RUBCN: variants seen among roughly 807,000 people sequenced by gnomAD.
RUBCN encodes the protein rubicon autophagy regulator.
In RUBCN, 74 loss-of-function variants were observed where a neutral mutation model predicts 113.2. The observed-to-expected ratio is 0.65, with a 90% CI of 0.54 to 0.79. RUBCN has a LOEUF of 0.79. Among genes scored for constraint, RUBCN ranks in the 30% least tolerant of loss-of-function variants. RUBCN has a pLI of 0.00. For synonymous variants in RUBCN, 480 were observed against 490.0 expected, an observed-to-expected ratio of 0.98 and a Z score of 0.27; for missense variants, 1,109 against 1,251.7, an observed-to-expected ratio of 0.89 and a Z score of 1.72.
chr3:197,694,251 T>C, intron 10 of RUBCN, 124 bp downstream of exon 10: 1 of 858,152 alleles, frequency 1.2e-6, no homozygotes. Flanking sequence ...ATTCCTAGCA[T>C]GATAGAAAAA....
In RUBCN at chr3:197,675,305, T is replaced by G. The variant is rs1207772282; in HGVS notation, c.2741-109A>C. The stretch of plus-strand genomic sequence containing the variant: ...CTCGCCACCAAGGCGTGGTGTCCCC[T>G]GGGGAGGCCCCGCGAGGTGCTGAGT... On this transcript the variant is annotated intron_variant, in intron 19 of 19. Transcript: ENST00000296343. This position sits in a 1 kb window ranked among gnomAD's most constrained non-coding sequence, Gnocchi z 4.4. 6.6e-7 allele frequency: 1 copy of G among 1,522,574 alleles called. No individual in the cohort carries two copies. Among genetic ancestry groups the G allele is most frequent in the Admixed American group, 1.7e-5 (1 of 59,920 alleles). The allele number at this position is 1,522,574 out of a possible 1,614,324, so 94.3% of individuals were successfully genotyped here. A position where few individuals can be genotyped will look rare whatever the true frequency, so the allele number is the denominator to read the frequency against.
chr3:197,749,221 T>C (rs953492594), intron 1 of RUBCN: 1 of 993,950 alleles, frequency 1.0e-6, no homozygotes, highest in Non-Finnish European at 1.2e-6. Flanking sequence ...CCATTCCCAA[T>C]GCAAATGAAT....
At chr3:197,696,517 ATACAG>A (rs1387744833) in intron 8 of RUBCN, among the ~76,000 whole-genome samples, 1 of 152,222 alleles carries the variant, frequency 6.6e-6, no homozygotes, top group Non-Finnish European at 1.5e-5. Context: ...CCCTCGTACC[ATACAG>A]TAAAGAAAAA....
At chr3:197,736,608 C>T in intron 1 of RUBCN, 47 bp downstream of exon 1, 1 of 1,528,338 alleles carries the variant, frequency 6.5e-7, no homozygotes. Flanking sequence ...CCTCCCGGGG[C>T]TCCGGCGCCT....
At chr3:197,738,609 G>A (rs1003028875), upstream of RUBCN, among the ~76,000 whole-genome samples, 1 of 152,102 alleles carries the variant, frequency 6.6e-6, no homozygotes, top group Admixed American at 6.5e-5. Context: ...TTTTGGAGAC[G>A]CAGTCTTGCT....
chr3:197,713,290 T>C (rs748407197), intron 2 of RUBCN, among the ~76,000 whole-genome samples: 1 of 152,252 alleles, frequency 6.6e-6, no homozygotes, highest in Non-Finnish European at 1.5e-5. Flanking sequence ...GAAACTGTCT[T>C]GTAATATGGT....
intron 17 of RUBCN, 80 bp downstream of exon 17, chr3:197,677,400 T>C (rs1307604845): frequency 4.9e-6 from 6 of 1,228,910 alleles, no homozygotes; most frequent in African/African-American, 1.5e-5. Flanking sequence ...CTTCGTTACA[T>C]AACAAGAGCC....
At chr3:197,749,619 G>A (rs1192101535) in exon 1 of RUBCN, 6 of 1,049,410 alleles carry the variant, frequency 5.7e-6, no homozygotes, top group South Asian at 5.3e-5. Context: ...AGGACACGGA[G>A]GATTATATCA....
At chr3:197,690,328 C>T (rs1485796598) in intron 11 of RUBCN, among the ~76,000 whole-genome samples, 1 of 152,102 alleles carries the variant, frequency 6.6e-6, no homozygotes, top group Non-Finnish European at 1.5e-5. Context: ...GTCCCAGCTA[C>T]TTGGGAGGCT....
At chr3:197,691,056 G>A (rs192442773) in intron 11 of RUBCN, 9 of 1,274,366 alleles carry the variant, frequency 7.1e-6, no homozygotes, top group Middle Eastern at 2.1e-4. Context: ...GCACATCCAC[G>A]CTTGCAAAGT....
chr3:197,692,488 G>C (rs905552117), intron 11 of RUBCN, among the ~76,000 whole-genome samples: 2 of 151,562 alleles, frequency 1.3e-5, no homozygotes, highest in Non-Finnish European at 2.9e-5. Context: ...CAAGCAGAAG[G>C]GCAGGTAGCT....
At chr3:197,678,903 C>T (rs1447619163) in intron 16 of RUBCN, among the ~76,000 whole-genome samples, 1 of 149,516 alleles carries the variant, frequency 6.7e-6, no homozygotes, top group Non-Finnish European at 1.5e-5. Context: ...GTCCTACGCT[C>T]TAACAACTGG....
At position 197,694,596 on chromosome 3, in the gene RUBCN, G is replaced by A. The variant is rs1199372758; in HGVS notation, c.1474-11C>T. 3 of 1,611,114 alleles carry A rather than the reference G, an allele frequency of 1.9e-6. No homozygotes were observed. Among genetic ancestry groups the A allele is most frequent in the Non-Finnish European group, 2.5e-6 (3 of 1,177,252 alleles). On this transcript the variant is annotated splice_polypyrimidine_tract_variant and intron_variant, in intron 9 of 19. Coordinates refer to ENST00000296343, the MANE Select transcript of RUBCN (RefSeq NM_014687.4). Reference sequence around the variant, plus strand: ...GAAGTGGGCATTCTCCTGGCGGAAGGAGAGCACCAAACAGGCAAAGGGTTA... The same window carrying A: ...GAAGTGGGCATTCTCCTGGCGGAAGAAGAGCACCAAACAGGCAAAGGGTTA...
intron 11 of RUBCN, among the ~76,000 whole-genome samples, chr3:197,687,167 C>A (rs1351841979): frequency 6.6e-6 from 1 of 152,138 alleles, no homozygotes; most frequent in Non-Finnish European, 1.5e-5. Context: ...TAAGGTGATA[C>A]CCAACGTATC....
chr3:197,695,803 C>T, intron 9 of RUBCN, 63 bp downstream of exon 9: 1 of 1,438,266 alleles, frequency 7.0e-7, no homozygotes, highest in South Asian at 1.1e-5. Flanking sequence ...ACAAATGGCA[C>T]CACAGACCTT....
chr3:197,678,464 G>A (rs2108838797), intron 16 of RUBCN, among the ~76,000 whole-genome samples: 1 of 149,932 alleles, frequency 6.7e-6, no homozygotes, highest in East Asian at 2.0e-4. Context: ...ACTGACAACT[G>A]GCTTCAGACT....
chr3:197,746,626 G>A (rs1728757484), intron 1 of RUBCN, among the ~76,000 whole-genome samples: 2 of 152,056 alleles, frequency 1.3e-5, no homozygotes, highest in Non-Finnish European at 1.5e-5. Context: ...TATCTGAAAC[G>A]TGGGACATAT....
chr3:197,723,449 G>C (rs1044094823), intron 1 of RUBCN, among the ~76,000 whole-genome samples: 3 of 152,138 alleles, frequency 2.0e-5, no homozygotes, highest in Admixed American at 1.3e-4. Flanking sequence ...GCCTCCCAAA[G>C]TGCTGGGATT....
Position 197,703,545 on chromosome 3 carries a change from T to C in RUBCN, c.570+3A>G. On this transcript the variant is annotated splice_donor_region_variant and intron_variant, in intron 5 of 19. Coordinates refer to ENST00000296343, the MANE Select transcript of RUBCN (RefSeq NM_014687.4). ...GACGTGGATAATTCCTTGTCCCCTG[T>C]ACCATGGACGCATCGATCTGAGCCA... 6.2e-7 allele frequency: 1 copy of C among 1,600,124 alleles called. No individual in the cohort carries two copies. Among genetic ancestry groups the C allele is most frequent in the Non-Finnish European group, 8.6e-7 (1 of 1,167,750 alleles).
Sources: gnomAD v4.1 joint callset for allele counts (sites outside exome capture counted in the v4.1 genomes callset) on GRCh38, gnomAD v4.1.1 for gene constraint, Gnocchi (gnomAD v3.1) non-coding constraint, MANE v1.5 for transcripts, NCBI Gene and HGNC (gene_info 2026-07-23, HGNC 2026-07-21) for gene names.